The following EFNA5 variants were observed in gnomAD, a reference collection of about 807,000 sequenced individuals.
EFNA5 encodes the protein ephrin-A5.
EFNA5 carries 5 observed loss-of-function variants against 22.9 expected under a neutral mutation model. The observed-to-expected ratio is 0.22, with a 90% CI of 0.11 to 0.46. The LOEUF (loss-of-function observed/expected upper bound fraction) is 0.46. EFNA5 is among the 20% of genes least tolerant of loss of function. The pLI is 0.99. For synonymous variants in EFNA5, 113 were observed against 112.2 expected (o/e 1.01, Z -0.04); for missense variants, 237 against 293.3 (o/e 0.81, Z 1.40).
chr5:107,459,395 T>C (rs139600811), intron 1 of EFNA5, among the ~76,000 whole-genome samples: 1 of 131,582 alleles, frequency 7.6e-6, no homozygotes, highest in Non-Finnish European at 1.6e-5. Flanking sequence ...AAAAAAGAAA[T>C]GTAGAACAAC....
At chr5:107,616,115 G>C (rs1166804064) in intron 1 of EFNA5, among the ~76,000 whole-genome samples, 1 of 152,126 alleles carries the variant, frequency 6.6e-6, no homozygotes, top group Non-Finnish European at 1.5e-5. Context: ...TTTCCATGTA[G>C]CATCTTTGAT....
At chr5:107,618,444 G>A (rs1236078355) in intron 1 of EFNA5, among the ~76,000 whole-genome samples, 1 of 152,138 alleles carries the variant, frequency 6.6e-6, no homozygotes, top group African/African-American at 2.4e-5. Flanking sequence ...GATTCCTAGG[G>A]ACTGTAGCTA....
chr5:107,545,370 A>G (rs1398524673), intron 1 of EFNA5, among the ~76,000 whole-genome samples: 1 of 152,214 alleles, frequency 6.6e-6, no homozygotes, highest in Non-Finnish European at 1.5e-5. Context: ...AATCTGATTA[A>G]AAAGGAATCA....
intron 1 of EFNA5, among the ~76,000 whole-genome samples, chr5:107,606,448 A>G (rs1282479941): frequency 6.6e-6 from 1 of 151,636 alleles, no homozygotes; most frequent in African/African-American, 2.4e-5. Flanking sequence ...TCTGCCATCT[A>G]TCCATCTACC....
At position 107,427,234 on chromosome 5, in the gene EFNA5, C is replaced by T. The variant is rs775314064; in HGVS notation, c.401G>A (p.Arg134Gln). ...FSLGFEFRPG[R>Q]EYFYISSAIP... ...ATACTCACAGATGTAGAAATATTCT[C>T]GGCCTGGCCTGAATTCAAATCCTAG... The change falls in exon 2 of 5, where the codon CGA becomes CAA. Residue 134 changes from arginine (R) to glutamine (Q), a missense_variant. By Grantham distance (43) the Arg-to-Gln change is conservative. Around this residue, in one of 3 missense-constraint regions of EFNA5, gnomAD observed 13 missense variants for 38.3 expected, o/e 0.34. Coordinates refer to ENST00000333274, the MANE Select transcript of EFNA5 (RefSeq NM_001962.3). 47 of 1,613,932 alleles carry T rather than the reference C, an allele frequency of 2.9e-5. No individual in the cohort carries two copies. The highest frequency in any genetic ancestry group is 1.3e-4 in the East Asian group (6 of 44,852).
intron 1 of EFNA5, among the ~76,000 whole-genome samples, chr5:107,428,379 T>C (rs904043708): frequency 5.9e-5 from 9 of 152,146 alleles, no homozygotes; most frequent in Non-Finnish European, 1.2e-4. Context: ...CCACGGCTAA[T>C]TCATCCTAGT....
At chr5:107,500,598 T>G (rs1432838172) in intron 1 of EFNA5, among the ~76,000 whole-genome samples, 1 of 152,150 alleles carries the variant, frequency 6.6e-6, no homozygotes, top group Non-Finnish European at 1.5e-5. Flanking sequence ...TCATATGGTG[T>G]GGCTGTCTCA....
intron 1 of EFNA5, among the ~76,000 whole-genome samples, chr5:107,627,945 G>C (rs775658265): frequency 1.3e-5 from 2 of 152,068 alleles, no homozygotes; most frequent in African/African-American, 2.4e-5. Flanking sequence ...TACTCAATGA[G>C]AATGAATTAA....
chr5:107,385,422 A>G (rs1001777847), intron 4 of EFNA5, among the ~76,000 whole-genome samples: 11 of 152,226 alleles, frequency 7.2e-5, no homozygotes, highest in African/African-American at 2.7e-4. Flanking sequence ...ATATGCCTAC[A>G]TTCTGCACAA....
At chr5:107,616,001 A>C (rs1158936345) in intron 1 of EFNA5, among the ~76,000 whole-genome samples, 1 of 152,216 alleles carries the variant, frequency 6.6e-6, no homozygotes, top group African/African-American at 2.4e-5. Context: ...TTTCATTTCA[A>C]GATCTGGTAT....
chr5:107,605,155 G>C (rs575085784), intron 1 of EFNA5, among the ~76,000 whole-genome samples: 1 of 151,876 alleles, frequency 6.6e-6, no homozygotes, highest in African/African-American at 2.4e-5. Flanking sequence ...GTGGGGATGG[G>C]GGGGGAAGCA....
intron 1 of EFNA5, among the ~76,000 whole-genome samples, chr5:107,505,506 A>T (rs2112429360): frequency 6.6e-6 from 1 of 152,272 alleles, no homozygotes; most frequent in African/African-American, 2.4e-5. Context: ...GAATTGGAAA[A>T]TTTCCCCTAG....
chr5:107,454,811 T>A (rs115779), intron 1 of EFNA5, among the ~76,000 whole-genome samples: 40,489 of 152,040 alleles, frequency 0.27, 5,800 homozygotes, highest in East Asian at 0.53. Flanking sequence ...AAAAAATGTA[T>A]AAATCTTTTG....
chr5:107,547,250 A>C (rs879338491), intron 1 of EFNA5, among the ~76,000 whole-genome samples: 3 of 152,206 alleles, frequency 2.0e-5, no homozygotes, highest in Non-Finnish European at 4.4e-5. Flanking sequence ...CCCTAGAGGA[A>C]GGTCTTTTAA....
At chr5:107,524,067 T>C (rs1439050829) in intron 1 of EFNA5, among the ~76,000 whole-genome samples, 1 of 152,232 alleles carries the variant, frequency 6.6e-6, no homozygotes, top group African/African-American at 2.4e-5. Flanking sequence ...GTTGGGTTCT[T>C]CTGTTTTGTA....
chr5:107,629,004 G>C (rs1750192136), intron 1 of EFNA5, among the ~76,000 whole-genome samples: 1 of 152,108 alleles, frequency 6.6e-6, no homozygotes, highest in Non-Finnish European at 1.5e-5. Flanking sequence ...CATCCTAAGT[G>C]ATTTTCCTAA....
At chr5:107,450,202 G>A (rs1194635385) in intron 1 of EFNA5, among the ~76,000 whole-genome samples, 1 of 152,106 alleles carries the variant, frequency 6.6e-6, no homozygotes, top group Admixed American at 6.6e-5. Context: ...AAATTTTTTG[G>A]TCATTTTGAT....
chr5:107,587,832 T>C (rs1392623179), intron 1 of EFNA5, among the ~76,000 whole-genome samples: 1 of 152,200 alleles, frequency 6.6e-6, no homozygotes, highest in African/African-American at 2.4e-5. Context: ...CCTATAGTTT[T>C]AATATACGAT....
intron 1 of EFNA5, among the ~76,000 whole-genome samples, chr5:107,538,770 A>G (rs1319722044): frequency 6.6e-6 from 1 of 152,218 alleles, no homozygotes; most frequent in African/African-American, 2.4e-5. Context: ...GTAATTTTGT[A>G]TTCCATTTGT....
Sources: allele counts gnomAD v4.1 joint callset (sites outside exome capture counted in the v4.1 genomes callset), GRCh38; gene constraint gnomAD v4.1.1; regional missense constraint gnomAD v4.1.1; transcripts MANE v1.5; gene names NCBI Gene and HGNC (gene_info 2026-07-23, HGNC 2026-07-21).